Variants in TCF12 observed in about 807,000 individuals in gnomAD.
The protein encoded by TCF12 is transcription factor 12, also known as DNA-binding protein HTF4.
Under a neutral mutation model 86.0 loss-of-function variants are expected in TCF12, and 45 were observed. The observed-to-expected ratio is 0.52, with a 90% CI of 0.41 to 0.67. The LOEUF (loss-of-function observed/expected upper bound fraction) is 0.67, where lower values mean the gene tolerates loss of function less well. Among genes scored for constraint, TCF12 ranks in the 30% least tolerant of loss-of-function variants. The pLI, the probability that TCF12 is intolerant of heterozygous loss-of-function variation, is 0.00. For missense variants in TCF12, 881 were observed against 859.9 expected (o/e 1.02, Z -0.31); for synonymous variants, 330 against 299.6 (o/e 1.10, Z -1.05).
At chr15:57,291,169 A>G (rs1259661976), downstream of TCF12, 2 of 152,176 alleles carry the variant, frequency 1.3e-5, no homozygotes, top group African/African-American at 4.8e-5. Context: ...ACGATCCCCT[A>G]AGGATAGCAA....
intron 3 of TCF12, among the ~76,000 whole-genome samples, chr15:56,976,986 G>A (rs1209988415): frequency 2.0e-5 from 3 of 152,126 alleles, no homozygotes; most frequent in Non-Finnish European, 2.9e-5. Flanking sequence ...CACATTTCAA[G>A]TGCTCAATAG....
intron 4 of TCF12, among the ~76,000 whole-genome samples, chr15:57,064,037 T>A (rs2068660172): frequency 6.6e-6 from 1 of 152,234 alleles, no homozygotes; most frequent in South Asian, 2.1e-4. Context: ...TTGGTGTTAC[T>A]TGTACACATG....
intron 6 of TCF12, among the ~76,000 whole-genome samples, chr15:57,184,111 T>A (rs2151661935): frequency 6.6e-6 from 1 of 152,128 alleles, no homozygotes; most frequent in South Asian, 2.1e-4. Context: ...GCAGACTTAG[T>A]CCTTTGTCCC....
intron 3 of TCF12, among the ~76,000 whole-genome samples, chr15:57,059,692 T>A (rs2068305264): frequency 7.8e-6 from 1 of 128,414 alleles, no homozygotes; most frequent in Non-Finnish European, 1.5e-5. Context: ...ACTCAAACTC[T>A]GCAGTGTTAA....
chr15:57,275,452 G>C (rs72733982), intron 19 of TCF12, among the ~76,000 whole-genome samples: 1 of 113,318 alleles, frequency 8.8e-6, no homozygotes, highest in Admixed American at 1.0e-4. Flanking sequence ...ACCATGCCTG[G>C]GCTCAGACTC....
At chr15:57,167,776 C>G (rs1408619337) in intron 6 of TCF12, among the ~76,000 whole-genome samples, 3 of 152,052 alleles carry the variant, frequency 2.0e-5, no homozygotes, top group Non-Finnish European at 4.4e-5. Flanking sequence ...GGCTTCAGAC[C>G]AAGCAGTCTT....
chr15:57,090,352 A>G (rs1309773655), intron 4 of TCF12, among the ~76,000 whole-genome samples: 1 of 152,238 alleles, frequency 6.6e-6, no homozygotes, highest in Non-Finnish European at 1.5e-5. Flanking sequence ...TAGTTACCAG[A>G]GAACACTTGT....
rs1484530589 is a variant in TCF12, at chr15:57,152,139, T to C, written c.326-14263T>C. On this transcript the variant is annotated intron_variant, in intron 5 of 20. Transcript: ENST00000333725. ...CAGCAACAGTCACACCAAGCTAAAC[T>C]CCTAACTGATTGTCTGAATTTCTCA... Among the ~76,000 whole-genome samples, 8 of 152,106 alleles carry C rather than the reference T, an allele frequency of 5.3e-5. No individual in the cohort carries two copies. The East Asian group carries it at 1.5e-3, about 29-fold the overall frequency.
intron 19 of TCF12, among the ~76,000 whole-genome samples, chr15:57,273,739 C>G (rs2061254507): frequency 6.6e-6 from 1 of 152,072 alleles, no homozygotes; most frequent in Non-Finnish European, 1.5e-5. Flanking sequence ...ACCTTTACAC[C>G]CATGTCAATA....
rs1032108251 is a variant in TCF12 at position 57,134,737 on chromosome 15, T to G, written c.326-31665T>G. On this transcript the variant is annotated intron_variant, in intron 5 of 20. Transcript: ENST00000333725. ...TCAAGATTTAAATTTGCTCATACCA[T>G]GGAAAACTGATGCCATTAATTTTTT... Among the ~76,000 whole-genome samples, 6 of 152,100 alleles carry G rather than the reference T, an allele frequency of 3.9e-5. No homozygotes were observed. The East Asian group carries it at 1.2e-3, about 29-fold the overall frequency.
chr15:56,990,647 A>G (rs1303560033), intron 3 of TCF12, among the ~76,000 whole-genome samples: 1 of 152,144 alleles, frequency 6.6e-6, no homozygotes, highest in African/African-American at 2.4e-5. Flanking sequence ...GTTGGCCTGT[A>G]GCATACTTAC....
At chr15:57,282,794 A>G (rs1597904154) in intron 20 of TCF12, among the ~76,000 whole-genome samples, 196 bp downstream of exon 20, 2 of 152,142 alleles carry the variant, frequency 1.3e-5, no homozygotes, top group East Asian at 1.9e-4. Context: ...GCAAATTGCC[A>G]TTTTCTTCAA....
At chr15:56,975,632 G>GT (rs1289657932) in intron 3 of TCF12, among the ~76,000 whole-genome samples, 23 of 139,288 alleles carry the variant, frequency 1.7e-4, no homozygotes, top group East Asian at 1.2e-3. Flanking sequence ...AAAACTAGGG[G>GT]TTTTTTTTGT....
chr15:57,026,677 ATATTT>A (rs573078205), intron 3 of TCF12, among the ~76,000 whole-genome samples: 28 of 152,236 alleles, frequency 1.8e-4, no homozygotes, highest in African/African-American at 5.5e-4. Context: ...TTCATTTTAT[ATATTT>A]TAATTTACGT....
chr15:56,972,233 C>T (rs190373758), intron 3 of TCF12, among the ~76,000 whole-genome samples: 2 of 152,178 alleles, frequency 1.3e-5, no homozygotes, highest in African/African-American at 2.4e-5. Context: ...GAAGGAACTT[C>T]GGCAGCATCT....
At chr15:57,094,996 A>C (rs1168584515) in intron 5 of TCF12, among the ~76,000 whole-genome samples, 2 of 152,224 alleles carry the variant, frequency 1.3e-5, no homozygotes, top group Admixed American at 6.5e-5. Flanking sequence ...AATTTGCAAC[A>C]GAAAGTGTGT....
intron 3 of TCF12, among the ~76,000 whole-genome samples, chr15:56,992,276 A>T (rs1361708098): frequency 2.0e-5 from 3 of 152,132 alleles, no homozygotes; most frequent in African/African-American, 7.2e-5. Flanking sequence ...GTCTCACAGT[A>T]AATAAATAAA....
intron 8 of TCF12, among the ~76,000 whole-genome samples, chr15:57,228,950 G>C (rs1046353305): frequency 6.6e-6 from 1 of 151,912 alleles, no homozygotes; most frequent in Non-Finnish European, 1.5e-5. Flanking sequence ...TAAAATTAGA[G>C]AATTTTATAT....
intron 6 of TCF12, among the ~76,000 whole-genome samples, chr15:57,170,680 A>G (rs1218162078): frequency 1.7e-3 from 2 of 1,188 alleles, no homozygotes. Flanking sequence ...TATATAATAT[A>G]TTATATATAA....
Sources: allele counts gnomAD v4.1 joint callset (sites outside exome capture counted in the v4.1 genomes callset), GRCh38; gene constraint gnomAD v4.1.1; transcripts MANE v1.5; gene names NCBI Gene and HGNC (gene_info 2026-07-23, HGNC 2026-07-21).